Variants in PTGER3 observed in about 807,000 individuals in gnomAD.
The protein encoded by PTGER3 is prostaglandin E2 receptor EP3 subtype.
Under a neutral mutation model 34.7 loss-of-function variants are expected in PTGER3, and 22 were observed. The observed-to-expected ratio is 0.63, with a 90% CI of 0.45 to 0.91. The LOEUF (loss-of-function observed/expected upper bound fraction) is 0.91, where lower values mean the gene tolerates loss of function less well. PTGER3 is among the 40% of genes least tolerant of loss of function. The probability of loss-of-function intolerance (pLI) is 0.00; values close to 1 mark genes in which losing one functional copy is unlikely to be tolerated. For synonymous variants in PTGER3, 241 were observed against 230.1 expected (o/e 1.05, Z -0.43); for missense variants, 468 against 519.4 (o/e 0.90, Z 0.96).
chr1:71,032,299 A>T (rs1314423959), intron 1 of PTGER3, among the ~76,000 whole-genome samples: 1 of 152,150 alleles, frequency 6.6e-6, no homozygotes, highest in Non-Finnish European at 1.5e-5. Context: ...CTGAGCCTGA[A>T]TCTTTCCTCA....
intron 1 of PTGER3, 79 bp from the exon 2 acceptor site, chr1:71,012,563 G>A (rs2100859031): frequency 7.7e-7 from 1 of 1,298,708 alleles, no homozygotes; most frequent in Non-Finnish European, 1.1e-6. Context: ...TTTGCACATA[G>A]TTGGTTTTCA....
rs138582461 is a variant in PTGER3 at position 70,857,445 on chromosome 1, TTGG to T, written c.*24-4589_*24-4587del. 1.9e-3 allele frequency among the ~76,000 whole-genome samples: 292 copies of T among 152,298 alleles called. 3 individuals are homozygous for T. The East Asian group carries it at 0.022, about 12-fold the overall frequency. On this transcript the variant is annotated intron_variant, in intron 4 of 4. Transcript: ENST00000370931. ...TGATAGTTCAGGTGTCATTTATTTC[TTGG>T]TGCTTTCAAGATTTTTTTGTTCTTA...
Position 70,869,162 on chromosome 1 carries a change from A to T in PTGER3, c.*24-16303T>A. ...GAAGGCACTTCATATGGCAAAAGCAAGAGCAAGAGAGACTGTATGTGTGTC... is the reference window on the plus strand; with the variant it reads ...GAAGGCACTTCATATGGCAAAAGCATGAGCAAGAGAGACTGTATGTGTGTC... On this transcript the variant is annotated intron_variant, in intron 4 of 4. Transcript: ENST00000370931. 4 of 377,546 alleles carry T rather than the reference A, an allele frequency of 1.1e-5. 1 individual carries two copies. Among genetic ancestry groups the T allele is most frequent in the South Asian group, 8.2e-5 (4 of 49,064 alleles). 23.4% of individuals were successfully genotyped at this position (377,546 alleles called of 1,614,324 possible). A position where few individuals can be genotyped will look rare whatever the true frequency, so the allele number is the denominator to read the frequency against.
At chr1:71,008,767 C>T in intron 2 of PTGER3, 5 of 961,882 alleles carry the variant, frequency 5.2e-6, no homozygotes, top group Non-Finnish European at 6.2e-6. Context: ...AATAAACAAG[C>T]AGCTGTGAAA....
chr1:70,899,148 A>G (rs1572588913), intron 4 of PTGER3, among the ~76,000 whole-genome samples: 1 of 152,320 alleles, frequency 6.6e-6, no homozygotes, highest in East Asian at 1.9e-4. Context: ...ACAGCTTGTG[A>G]ATTCATTAGA....
chr1:70,978,056 A>T (rs1436464359), intron 2 of PTGER3, among the ~76,000 whole-genome samples: 1 of 152,172 alleles, frequency 6.6e-6, no homozygotes, highest in African/African-American at 2.4e-5. Context: ...TGAAGCATAG[A>T]TAGGTAAAGT....
chr1:70,926,559 A>C (rs1296074642), intron 4 of PTGER3, among the ~76,000 whole-genome samples: 1 of 152,210 alleles, frequency 6.6e-6, no homozygotes, highest in Non-Finnish European at 1.5e-5. Flanking sequence ...GAAGTTGCTT[A>C]TCAGCTTAAG....
chr1:70,997,245 C>T (rs1233471342), intron 2 of PTGER3: 1 of 151,970 alleles, frequency 6.6e-6, no homozygotes, highest in Non-Finnish European at 1.5e-5. Context: ...GCACTCCAGC[C>T]TGGGTGACAG....
chr1:70,993,265 G>T (rs535354775), intron 2 of PTGER3, among the ~76,000 whole-genome samples: 1 of 152,308 alleles, frequency 6.6e-6, no homozygotes, highest in East Asian at 1.9e-4. Context: ...TGGTGTCCTT[G>T]TTAAAGGGAA....
intron 4 of PTGER3, among the ~76,000 whole-genome samples, chr1:70,891,626 C>A (rs903100993): frequency 3.3e-5 from 5 of 152,204 alleles, no homozygotes; most frequent in African/African-American, 1.2e-4. Flanking sequence ...ATATAATACA[C>A]CCATTTGTGG....
chr1:70,992,186 C>A (rs1172552225), intron 2 of PTGER3, among the ~76,000 whole-genome samples: 2 of 152,140 alleles, frequency 1.3e-5, no homozygotes, highest in Non-Finnish European at 2.9e-5. Context: ...TCCAGAATCC[C>A]TGCTCTTTAT....
chr1:71,024,073 C>A (rs957569960), intron 1 of PTGER3, among the ~76,000 whole-genome samples: 13 of 149,754 alleles, frequency 8.7e-5, no homozygotes, highest in Admixed American at 5.9e-4. Context: ...CACTTAAATT[C>A]AAAGCTCCTC....
intron 2 of PTGER3, among the ~76,000 whole-genome samples, chr1:70,996,796 T>A (rs1356506760): frequency 1.3e-5 from 2 of 152,032 alleles, no homozygotes; most frequent in Non-Finnish European, 2.9e-5. Context: ...CCGGAGTAGG[T>A]GGGACTACAG....
At chr1:70,952,502 T>A in exon 4 of PTGER3, 1 of 987,672 alleles carries the variant, frequency 1.0e-6, no homozygotes, top group Non-Finnish European at 1.2e-6. Context: ...ACCCATAACC[T>A]TATGTCACTG....
chr1:70,936,808 A>G (rs1450954336), intron 4 of PTGER3, among the ~76,000 whole-genome samples: 2 of 152,188 alleles, frequency 1.3e-5, no homozygotes, highest in Non-Finnish European at 2.9e-5. Flanking sequence ...AAGTATATCT[A>G]CTTTATCCTT....
At chr1:70,965,557 A>G (rs1490585177) in intron 2 of PTGER3, among the ~76,000 whole-genome samples, 1 of 152,108 alleles carries the variant, frequency 6.6e-6, no homozygotes, top group Admixed American at 6.6e-5. Flanking sequence ...TTAAGACTAT[A>G]TTACTATCTT....
chr1:70,889,052 A>T (rs1350174910), intron 4 of PTGER3, among the ~76,000 whole-genome samples: 1 of 152,174 alleles, frequency 6.6e-6, no homozygotes, highest in Non-Finnish European at 1.5e-5. Flanking sequence ...CCATTGGCTT[A>T]GATTTACCTA....
At chr1:70,920,375 T>C (rs1647408064) in intron 4 of PTGER3, among the ~76,000 whole-genome samples, 1 of 152,186 alleles carries the variant, frequency 6.6e-6, no homozygotes, top group Non-Finnish European at 1.5e-5. Flanking sequence ...CTAGCCCTTG[T>C]GTAACTCAGC....
intron 4 of PTGER3, chr1:70,862,368 A>G: frequency 5.9e-6 from 8 of 1,367,146 alleles, no homozygotes; most frequent in Non-Finnish European, 7.8e-6. Context: ...TCTTCAAGTC[A>G]TCAGCTTAGC....
Sources: allele counts gnomAD v4.1 joint callset (sites outside exome capture counted in the v4.1 genomes callset), GRCh38; gene constraint gnomAD v4.1.1; transcripts MANE v1.5; gene names NCBI Gene and HGNC (gene_info 2026-07-23, HGNC 2026-07-21).